Variants in NEDD4L observed in about 807,000 individuals in gnomAD.
The protein encoded by NEDD4L is NEDD4 like E3 ubiquitin protein ligase.
A neutral mutation model predicts 148.9 loss-of-function variants in NEDD4L; 54 were observed. The ratio of observed to expected loss-of-function variants is 0.36; its 90% CI spans 0.29 to 0.45. The LOEUF (loss-of-function observed/expected upper bound fraction) is 0.45. Among genes scored for constraint, NEDD4L ranks in the 20% least tolerant of loss-of-function variants. The pLI, the probability that NEDD4L is intolerant of heterozygous loss-of-function variation, is 1.00. For synonymous variants in NEDD4L, 433 were observed against 440.7 expected (o/e 0.98, Z 0.22); for missense variants, 856 against 1,233.8 (o/e 0.69, Z 4.59).
intron 1 of NEDD4L, among the ~76,000 whole-genome samples, chr18:58,062,240 G>A (rs991328827): frequency 2.0e-5 from 3 of 152,070 alleles, no homozygotes; most frequent in Non-Finnish European, 4.4e-5. Flanking sequence ...GGTGCACTTG[G>A]GCTGTTGGGA....
intron 1 of NEDD4L, among the ~76,000 whole-genome samples, chr18:58,149,798 G>A (rs1217399282): frequency 6.6e-6 from 1 of 152,176 alleles, no homozygotes; most frequent in Non-Finnish European, 1.5e-5. Context: ...CCTAAGTGGA[G>A]ATACAGCTTT....
chr18:58,322,867 GC>G (rs199801739), intron 7 of NEDD4L, among the ~76,000 whole-genome samples: 3,937 of 85,754 alleles, frequency 0.046, 389 homozygotes, highest in African/African-American at 0.053. Flanking sequence ...GGGTGGGGAT[GC>G]CTGCCCTGCG....
intron 18 of NEDD4L, 148 bp downstream of exon 18, chr18:58,351,193 T>A (rs1002830552): frequency 1.3e-6 from 2 of 1,495,808 alleles, no homozygotes; most frequent in Admixed American, 4.2e-5. Context: ...ATCAGTGCCT[T>A]CATACGGTAC....
intron 2 of NEDD4L, among the ~76,000 whole-genome samples, chr18:58,231,513 C>T (rs1004313807): frequency 6.6e-6 from 1 of 152,080 alleles, no homozygotes; most frequent in Non-Finnish European, 1.5e-5. Context: ...TGTGAAGATA[C>T]TAGATTGACC....
At chr18:58,044,743 G>T (rs775324630) in intron 1 of NEDD4L, 35 bp downstream of exon 1, 3 of 1,598,236 alleles carry the variant, frequency 1.9e-6, no homozygotes, top group African/African-American at 2.7e-5. Context: ...GGGACTCCCC[G>T]GGGAGTTCCT....
intron 5 of NEDD4L, among the ~76,000 whole-genome samples, chr18:58,273,066 G>A (rs1428990442): frequency 3.3e-5 from 5 of 152,184 alleles, no homozygotes; most frequent in African/African-American, 4.8e-5. Context: ...GAACTGCAGC[G>A]GAAGCAGCCG....
At chr18:58,162,938 C>T (rs1410760316) in intron 1 of NEDD4L, among the ~76,000 whole-genome samples, 1 of 152,042 alleles carries the variant, frequency 6.6e-6, no homozygotes, top group Non-Finnish European at 1.5e-5. Flanking sequence ...GTGGCACACA[C>T]CTGTAATCTC....
intron 2 of NEDD4L, among the ~76,000 whole-genome samples, chr18:58,225,834 G>C (rs955730063): frequency 1.3e-5 from 2 of 152,174 alleles, no homozygotes; most frequent in African/African-American, 4.8e-5. Flanking sequence ...AGAATTAGTA[G>C]TAGTGTTGAG....
At chr18:58,391,594 A>G (rs779244729) in intron 30 of NEDD4L, 35 bp downstream of exon 30, 4 of 1,429,530 alleles carry the variant, frequency 2.8e-6, no homozygotes, top group Non-Finnish European at 2.9e-6. Flanking sequence ...TCAATGCAAT[A>G]TCTGAACTGC....
In NEDD4L at chr18:58,366,166, G is replaced by A. The variant is rs532706423; in HGVS notation, c.2001G>A (p.Trp667Ter). 6.2e-7 allele frequency: 1 copy of A among 1,613,398 alleles called. No individual in the cohort carries two copies. Among genetic ancestry groups the A allele is most frequent in the Non-Finnish European group, 8.5e-7 (1 of 1,179,718 alleles). Residue 667 changes from tryptophan (W) to a stop codon, truncating the protein, a stop_gained, in exon 21 of 31, where the codon TGG (tryptophan) becomes TGA (stop). Coordinates refer to ENST00000400345, the MANE Select transcript of NEDD4L (RefSeq NM_001144967.3). LOFTEE classifies it high-confidence loss of function. The surrounding 1 kb of genome is among the most constrained non-coding windows in gnomAD (Gnocchi z 4.2). ...ACTATGGGGGTGTGGCCAGAGAATG[G>A]TTCTTCTTACTGTCCAAAGAGATGT... ...GLDYGGVARE[W>*]FFLLSKEMFN...
intron 1 of NEDD4L, among the ~76,000 whole-genome samples, chr18:58,153,490 C>A (rs1408621789): frequency 1.3e-5 from 2 of 151,888 alleles, no homozygotes; most frequent in Non-Finnish European, 2.9e-5. Context: ...CATGCATGAG[C>A]CACCAGGCCC....
chr18:58,306,075 G>A (rs565344132), intron 5 of NEDD4L, among the ~76,000 whole-genome samples: 1 of 152,178 alleles, frequency 6.6e-6, no homozygotes, highest in South Asian at 2.1e-4. Context: ...GGAGGGTTGT[G>A]ATTTAGAAAG....
intron 1 of NEDD4L, among the ~76,000 whole-genome samples, chr18:58,061,312 T>G (rs1458499903): frequency 7.9e-5 from 12 of 152,208 alleles, no homozygotes; most frequent in Admixed American, 7.9e-4. Context: ...GATAAAAAAC[T>G]GAGGCATAGA....
chr18:58,257,026 G>C (rs1212801299), intron 5 of NEDD4L, among the ~76,000 whole-genome samples: 1 of 152,156 alleles, frequency 6.6e-6, no homozygotes, highest in East Asian at 1.9e-4. Context: ...AATCCAAGCA[G>C]AATACCTTCC....
chr18:58,335,420 C>G (rs2041609078), intron 12 of NEDD4L, 58 bp from the exon 13 acceptor site: 6 of 1,426,264 alleles, frequency 4.2e-6, no homozygotes, highest in Middle Eastern at 1.7e-4. Flanking sequence ...GGCCCTGATT[C>G]AGACAGCAGG....
intron 5 of NEDD4L, among the ~76,000 whole-genome samples, chr18:58,291,242 C>T (rs1042404891): frequency 1.3e-5 from 2 of 152,220 alleles, no homozygotes; most frequent in African/African-American, 4.8e-5. Flanking sequence ...ACACAGAAAA[C>T]CGGGCTGACT....
intron 2 of NEDD4L, among the ~76,000 whole-genome samples, chr18:58,191,584 T>C (rs2040124376): frequency 6.6e-6 from 1 of 152,210 alleles, no homozygotes; most frequent in Non-Finnish European, 1.5e-5. Context: ...ATGTACAACT[T>C]AAAATTTTAT....
At chr18:58,160,212 C>T (rs1280621156) in intron 1 of NEDD4L, among the ~76,000 whole-genome samples, 1 of 152,210 alleles carries the variant, frequency 6.6e-6, no homozygotes, top group African/African-American at 2.4e-5. Flanking sequence ...TGCTTATGCA[C>T]AGTTTATATG....
At chr18:58,174,539 C>G (rs559893547) in intron 2 of NEDD4L, among the ~76,000 whole-genome samples, 1 of 152,296 alleles carries the variant, frequency 6.6e-6, no homozygotes, top group South Asian at 2.1e-4. Flanking sequence ...GGTTGTTTCG[C>G]TTACCACATT....
Sources: allele counts gnomAD v4.1 joint callset (sites outside exome capture counted in the v4.1 genomes callset), GRCh38; gene constraint gnomAD v4.1.1; non-coding constraint Gnocchi (gnomAD v3.1); transcripts MANE v1.5; gene names NCBI Gene and HGNC (gene_info 2026-07-23, HGNC 2026-07-21).